The following FAM120A variants were observed in gnomAD, a reference collection of about 807,000 sequenced individuals.
The protein encoded by FAM120A is constitutive coactivator of PPAR-gamma-like protein 1.
A neutral mutation model predicts 109.7 loss-of-function variants in FAM120A; 15 were observed. The ratio of observed to expected loss-of-function variants is 0.14; its 90% CI spans 0.09 to 0.21. FAM120A has a LOEUF of 0.21. FAM120A is among the 10% of genes least tolerant of loss of function. FAM120A has a pLI of 1.00. For missense variants in FAM120A, 899 were observed against 1,439.3 expected (o/e 0.62, Z 6.07); for synonymous variants, 493 against 572.8 (o/e 0.86, Z 1.99).
intron 11 of FAM120A, among the ~76,000 whole-genome samples, chr9:93,548,042 A>G (rs1245547605): frequency 6.6e-6 from 1 of 152,194 alleles, no homozygotes; most frequent in African/African-American, 2.4e-5. Flanking sequence ...CTTAGCTGCC[A>G]GGAAAGCCAG....
chr9:93,462,670 G>A (rs921889244), intron 1 of FAM120A, among the ~76,000 whole-genome samples: 3 of 152,152 alleles, frequency 2.0e-5, no homozygotes, highest in African/African-American at 7.2e-5. Context: ...CTGGAACTGT[G>A]TACCCACTAA....
At chr9:93,496,940 C>G (rs1024375048) in intron 3 of FAM120A, among the ~76,000 whole-genome samples, 5 of 152,196 alleles carry the variant, frequency 3.3e-5, no homozygotes, top group Non-Finnish European at 7.3e-5. Flanking sequence ...CCATTTTTCT[C>G]CAGTTAGAGC....
At chr9:93,477,118 G>C (rs191367478) in intron 3 of FAM120A, among the ~76,000 whole-genome samples, 85 of 152,302 alleles carry the variant, frequency 5.6e-4, no homozygotes, top group Admixed American at 4.8e-3. Flanking sequence ...CTTCCTTACA[G>C]TAAAGAGTGG....
At chr9:93,545,780 CTTTTTTTTTT>C (rs774150537) in intron 11 of FAM120A, among the ~76,000 whole-genome samples, 9 of 65,512 alleles carry the variant, frequency 1.4e-4, no homozygotes, top group Non-Finnish European at 2.0e-4. Context: ...GGAAAGACTC[CTTTTTTTTTT>C]TTTTTTTTTT....
intron 5 of FAM120A, among the ~76,000 whole-genome samples, chr9:93,503,843 A>G (rs893483271): frequency 2.6e-5 from 4 of 151,818 alleles, no homozygotes; most frequent in African/African-American, 9.7e-5. Context: ...AAAAAAGTAT[A>G]TATATATATA....
At chr9:93,492,701 T>A (rs1588835921) in intron 3 of FAM120A, among the ~76,000 whole-genome samples, 5 of 152,164 alleles carry the variant, frequency 3.3e-5, no homozygotes, top group Admixed American at 2.6e-4. Flanking sequence ...GGAGGGCAGC[T>A]GCATGGTCAG....
intron 1 of FAM120A, among the ~76,000 whole-genome samples, chr9:93,463,040 A>G (rs1167402482): frequency 6.6e-6 from 1 of 152,124 alleles, no homozygotes; most frequent in Admixed American, 6.6e-5. Context: ...TGGAAGTGTA[A>G]TTGCTGTATC....
rs759870289 is a variant in FAM120A at position 93,452,192 on chromosome 9, T to C, written c.277T>C (p.Phe93Leu). ...CTGCTTCGGCGGCAACATCGAGCTC[T>C]TCGTCTTCTTCAACGGCGCGCTCGA... The part of the protein sequence containing the change: ...KACFGGNIEL[F>L]VFFNGALEKA... Residue 93 changes from phenylalanine (F) to leucine (L), a missense_variant, in exon 1 of 18, where the codon TTC (phenylalanine) becomes CTC (leucine). Transcript: ENST00000277165. The surrounding 1 kb of genome is among the most constrained non-coding windows in gnomAD (Gnocchi z 7.0). 1 of 1,612,018 alleles carries C rather than the reference T, an allele frequency of 6.2e-7. No homozygotes were observed. Among genetic ancestry groups the C allele is most frequent in the Admixed American group, 1.7e-5 (1 of 59,990 alleles).
chr9:93,468,640 T>G (rs1290422718), intron 1 of FAM120A, among the ~76,000 whole-genome samples: 2 of 152,252 alleles, frequency 1.3e-5, no homozygotes, highest in African/African-American at 4.8e-5. Context: ...TGATATTGTA[T>G]TCTGAAATGC....
chr9:93,498,840 T>C lies in FAM120A; in HGVS notation c.984T>C (p.Tyr328=). The change falls in exon 5 of 18, where the codon TAT becomes TAC. Residue 328 remains tyrosine (Y), a synonymous_variant. Transcript: ENST00000277165. The surrounding 1 kb of genome is among the most constrained non-coding windows in gnomAD (Gnocchi z 4.4). ...VIRFKRAIGY[Y]SATSKPMSFH... Reference sequence around the variant, plus strand: ...GATTTAAGAGAGCAATTGGATATTATTCAGCGACTAGTAAGCCTATGTCAT... The same window carrying C: ...GATTTAAGAGAGCAATTGGATATTACTCAGCGACTAGTAAGCCTATGTCAT... The C allele has an allele frequency of 2.5e-6, 4 of 1,612,958 alleles. No individual in the cohort carries two copies. The highest frequency in any genetic ancestry group is 3.4e-6 in the Non-Finnish European group (4 of 1,178,936).
rs1861241143 is a variant in FAM120A, at chr9:93,529,560, A to G, written c.1714A>G (p.Ile572Val). 2.5e-6 allele frequency: 4 copies of G among 1,614,222 alleles called. No individual in the cohort carries two copies. In the East Asian group the frequency reaches 8.9e-5, roughly 36 times the overall value. ...RHKKGLMYPYIFHVLTKGEIK... is the reference protein window; with the variant it reads ...RHKKGLMYPYVFHVLTKGEIK... ...CAAGAAGGGGCTGATGTACCCCTAC[A>G]TCTTCCATGTCCTGACGAAGGTATT... Residue 572 changes from isoleucine to valine, a missense_variant, in exon 9 of 18, where the codon ATC becomes GTC. Physicochemically the swap from Ile to Val is conservative, Grantham distance 29. This residue lies in a region of FAM120A where 133 missense variants were observed against 276.6 expected (regional missense o/e 0.48). Coordinates refer to ENST00000277165, the MANE Select transcript of FAM120A (RefSeq NM_014612.5).
intron 3 of FAM120A, among the ~76,000 whole-genome samples, chr9:93,495,592 G>A (rs942069116): frequency 7.2e-5 from 11 of 152,216 alleles, no homozygotes; most frequent in South Asian, 4.1e-4. Context: ...TATTAAGAGT[G>A]TAATGGCATT....
At chr9:93,515,359 G>T (rs1860522064) in intron 5 of FAM120A, among the ~76,000 whole-genome samples, 1 of 152,232 alleles carries the variant, frequency 6.6e-6, no homozygotes, top group Admixed American at 6.5e-5. Context: ...CCACCAAGTT[G>T]CAGGCAGAGG....
chr9:93,478,231 T>G (rs1180316448), intron 3 of FAM120A, among the ~76,000 whole-genome samples: 1 of 151,858 alleles, frequency 6.6e-6, no homozygotes, highest in Non-Finnish European at 1.5e-5. Flanking sequence ...GTGTCTAATA[T>G]CATTTAATAT....
At chr9:93,528,677 A>G (rs934557532) in intron 8 of FAM120A, among the ~76,000 whole-genome samples, 4 of 152,184 alleles carry the variant, frequency 2.6e-5, no homozygotes, top group Non-Finnish European at 5.9e-5. Flanking sequence ...GTCATTATCC[A>G]TAGATCTGAG....
chr9:93,464,399 C>T (rs193298698), intron 1 of FAM120A, among the ~76,000 whole-genome samples: 2 of 152,216 alleles, frequency 1.3e-5, no homozygotes, highest in Admixed American at 6.5e-5. Flanking sequence ...AGACCAGAAA[C>T]GGGCCCTTTT....
chr9:93,485,423 C>G (rs1018209007), intron 3 of FAM120A, among the ~76,000 whole-genome samples: 1 of 152,050 alleles, frequency 6.6e-6, no homozygotes, highest in Non-Finnish European at 1.5e-5. Context: ...TAGTGAGACC[C>G]TATCTCTATA....
rs1407994039 is a variant in FAM120A at position 93,468,026 on chromosome 9, C to T, written c.475-3115C>T. On this transcript the variant is annotated intron_variant, in intron 1 of 17. Coordinates refer to ENST00000277165, the MANE Select transcript of FAM120A (RefSeq NM_014612.5). ...CCTCCCGGGTAGCTGGGATTATAGG[C>T]GCCCGCCACCACGCCTGGCTAATTT... is the stretch of plus-strand genomic sequence containing the variant. Among the ~76,000 whole-genome samples, 7 of 152,080 alleles carry T rather than the reference C, an allele frequency of 4.6e-5. No individual in the cohort carries two copies. The East Asian group carries it at 7.7e-4, about 17-fold the overall frequency.
intron 10 of FAM120A, among the ~76,000 whole-genome samples, 163 bp from the exon 11 acceptor site, chr9:93,543,059 T>G (rs758602371): frequency 6.6e-6 from 1 of 152,202 alleles, no homozygotes; most frequent in Non-Finnish European, 1.5e-5. Context: ...ACAAACAAAA[T>G]ACCCACAAGG....
Sources: gnomAD v4.1 joint callset for allele counts (sites outside exome capture counted in the v4.1 genomes callset) on GRCh38, gnomAD v4.1.1 for gene constraint, gnomAD v4.1.1 regional missense constraint, Gnocchi (gnomAD v3.1) non-coding constraint, MANE v1.5 for transcripts, NCBI Gene and HGNC (gene_info 2026-07-23, HGNC 2026-07-21) for gene names.